ANKRD36: variants seen among roughly 807,000 people sequenced by gnomAD.
ANKRD36 encodes ankyrin repeat domain-containing protein 36A.
A neutral mutation model predicts 278.1 loss-of-function variants in ANKRD36; 179 were observed. The observed-to-expected ratio is 0.64, with a 90% CI of 0.57 to 0.73. ANKRD36 has a LOEUF of 0.73. Among genes scored for constraint, ANKRD36 ranks in the 30% least tolerant of loss-of-function variants. ANKRD36 has a pLI of 0.00. For synonymous variants in ANKRD36, 320 were observed against 641.1 expected, an observed-to-expected ratio of 0.50 and a Z score of 7.57; for missense variants, 1,159 against 1,956.7, an observed-to-expected ratio of 0.59 and a Z score of 7.69.
At chr2:97,188,293 C>T (rs2057850672) in intron 32 of ANKRD36, among the ~76,000 whole-genome samples, 1 of 151,394 alleles carries the variant, frequency 6.6e-6, no homozygotes, top group Non-Finnish European at 1.5e-5. Context: ...TGGTAATTTT[C>T]AATGAATATT....
chr2:97,189,573 A>G (rs1368663210), intron 34 of ANKRD36, among the ~76,000 whole-genome samples: 1 of 88,448 alleles, frequency 1.1e-5, no homozygotes, highest in African/African-American at 2.6e-5. Flanking sequence ...GGAACAGCAT[A>G]GTTTTGCTTT....
chr2:97,125,004 T>C (rs1007803963), intron 5 of ANKRD36, among the ~76,000 whole-genome samples: 1 of 151,836 alleles, frequency 6.6e-6, no homozygotes, highest in Non-Finnish European at 1.5e-5. Context: ...CTGGGGACCA[T>C]CTACTATAGC....
At chr2:97,188,281 A>C (rs2057848324) in intron 32 of ANKRD36, among the ~76,000 whole-genome samples, 2 of 151,770 alleles carry the variant, frequency 1.3e-5, no homozygotes, top group South Asian at 2.1e-4. Flanking sequence ...TAACTCCTAA[A>C]ATGGTAATTT....
chr2:97,141,228 CA>C (rs952422806), intron 6 of ANKRD36, among the ~76,000 whole-genome samples: 45 of 148,358 alleles, frequency 3.0e-4, no homozygotes, highest in African/African-American at 9.9e-4. Context: ...GCAATCATGA[CA>C]TATATATATA....
At chr2:97,122,832 T>G in intron 3 of ANKRD36, 55 bp from the exon 4 acceptor site, 1 of 1,471,368 alleles carries the variant, frequency 6.8e-7, no homozygotes, top group African/African-American at 1.4e-5. Context: ...AGGTTTTCAG[T>G]TCAGTTGATA....
intron 66 of ANKRD36, among the ~76,000 whole-genome samples, chr2:97,222,422 G>A (rs1297179779): frequency 6.6e-6 from 1 of 152,066 alleles, no homozygotes; most frequent in Non-Finnish European, 1.5e-5. Flanking sequence ...CATGGTGACT[G>A]TACTAATTCA....
At chr2:97,139,548 T>G (rs2153445560) in intron 6 of ANKRD36, among the ~76,000 whole-genome samples, 1 of 152,172 alleles carries the variant, frequency 6.6e-6, no homozygotes, top group East Asian at 1.9e-4. Context: ...ATGTGATGAC[T>G]GCAGCATATT....
At chr2:97,244,145 C>G (rs1373137425) in intron 70 of ANKRD36, 116 bp downstream of exon 70, 5 of 1,329,522 alleles carry the variant, frequency 3.8e-6, no homozygotes, top group Non-Finnish European at 5.0e-6. Context: ...TTTATTTCAT[C>G]TTAAAAATGA....
In ANKRD36 at chr2:97,164,413, G is replaced by C; in HGVS notation, c.1475G>C (p.Arg492Thr). The change falls in exon 20 of 76, where the codon AGA becomes ACA. Residue 492 changes from arginine (R) to threonine (T), a missense_variant. Coordinates refer to ENST00000420699, the MANE Select transcript of ANKRD36 (RefSeq NM_001354587.1). The part of the protein sequence containing the change: ...PPLFTHTVKD[R>T]DHISTRFLGG... ...CCCATTCAGCATACGGTGAAAGACAGAGATCACATTTCAACTAGATTCTTA... is the reference window on the plus strand; with the variant it reads ...CCCATTCAGCATACGGTGAAAGACACAGATCACATTTCAACTAGATTCTTA... 1 of 1,537,654 alleles carries C rather than the reference G, an allele frequency of 6.5e-7. No homozygotes were observed. Among genetic ancestry groups the C allele is most frequent in the Non-Finnish European group, 8.7e-7 (1 of 1,146,858 alleles).
intron 6 of ANKRD36, among the ~76,000 whole-genome samples, chr2:97,134,738 AG>A (rs1380769442): frequency 1.3e-5 from 2 of 152,054 alleles, no homozygotes; most frequent in Non-Finnish European, 2.9e-5. Flanking sequence ...ACATCTTGGT[AG>A]CTCCAGTGAG....
intron 6 of ANKRD36, among the ~76,000 whole-genome samples, chr2:97,136,816 C>T (rs2041629979): frequency 6.6e-6 from 1 of 151,976 alleles, no homozygotes; most frequent in Non-Finnish European, 1.5e-5. Context: ...AATGCCTGCT[C>T]ATTATATTGA....
chr2:97,228,247 C>G (rs1297951729), intron 67 of ANKRD36, among the ~76,000 whole-genome samples: 1 of 152,096 alleles, frequency 6.6e-6, no homozygotes, highest in Non-Finnish European at 1.5e-5. Context: ...TAGAATTCGG[C>G]TGTGAATCCA....
intron 6 of ANKRD36, among the ~76,000 whole-genome samples, chr2:97,128,064 T>C (rs1023682226): frequency 6.6e-6 from 1 of 151,924 alleles, no homozygotes; most frequent in African/African-American, 2.4e-5. Flanking sequence ...TTCCGGGTTG[T>C]GTACTGGCCT....
At chr2:97,164,548 C>T in intron 20 of ANKRD36, 79 bp downstream of exon 20, 1 of 1,454,706 alleles carries the variant, frequency 6.9e-7, no homozygotes, top group Non-Finnish European at 9.3e-7. Context: ...TTGATTCCCA[C>T]TTTTTATCCA....
At position 97,204,035 on chromosome 2, in the gene ANKRD36, T is replaced by C. The variant is rs757069035; in HGVS notation, c.2960-33T>C. Reference sequence around the variant, plus strand: ...TATGGATAATTTTGTCATTTTTACATATGAGTGATTAGGAATCCCTTTTAC... The same window carrying C: ...TATGGATAATTTTGTCATTTTTACACATGAGTGATTAGGAATCCCTTTTAC... On this transcript the variant is annotated intron_variant, in intron 48 of 75. Coordinates refer to ENST00000420699, the MANE Select transcript of ANKRD36 (RefSeq NM_001354587.1). The C allele has an allele frequency of 2.7e-5, 42 of 1,557,928 alleles. No individual in the cohort carries two copies. In the South Asian group the frequency reaches 4.4e-4, roughly 16 times the overall value.
chr2:97,202,846 A>G (rs1400070634), intron 48 of ANKRD36, among the ~76,000 whole-genome samples: 1 of 151,842 alleles, frequency 6.6e-6, no homozygotes, highest in African/African-American at 2.4e-5. Context: ...GCCAAAGAAG[A>G]CGGATTGTGA....
chr2:97,124,602 G>A lies in ANKRD36; in HGVS notation c.731+5G>A. On this transcript the variant is annotated splice_donor_5th_base_variant and intron_variant, in intron 5 of 75. Coordinates refer to ENST00000420699, the MANE Select transcript of ANKRD36 (RefSeq NM_001354587.1). The stretch of plus-strand genomic sequence containing the variant: ...CATTGAGGCTAAGAATAGAGTGTAA[G>A]TCTTTACATAAAAAGGCTAGTGAAC... 2.6e-6 allele frequency: 4 copies of A among 1,547,028 alleles called. No individual in the cohort carries two copies. Among genetic ancestry groups the A allele is most frequent in the Non-Finnish European group, 3.5e-6 (4 of 1,145,506 alleles).
chr2:97,140,495 G>A (rs1020156507), intron 6 of ANKRD36, among the ~76,000 whole-genome samples: 2 of 151,866 alleles, frequency 1.3e-5, no homozygotes, highest in Non-Finnish European at 2.9e-5. Context: ...GGTAAGATAG[G>A]CTGCTGAGCC....
chr2:97,186,769 A>G (rs980005990), intron 30 of ANKRD36, among the ~76,000 whole-genome samples: 1 of 151,870 alleles, frequency 6.6e-6, no homozygotes, highest in Non-Finnish European at 1.5e-5. Context: ...GGGCAAGTTA[A>G]TGAACATGAT....
Sources: gnomAD v4.1 joint callset for allele counts (sites outside exome capture counted in the v4.1 genomes callset) on GRCh38, gnomAD v4.1.1 for gene constraint, MANE v1.5 for transcripts, NCBI Gene and HGNC (gene_info 2026-07-23, HGNC 2026-07-21) for gene names.